The following PCBP3 variants were observed in gnomAD, a reference collection of about 807,000 sequenced individuals.
The protein encoded by PCBP3 is poly(rC) binding protein 3.
Under a neutral mutation model 52.7 loss-of-function variants are expected in PCBP3, and 25 were observed. The ratio of observed to expected loss-of-function variants is 0.47; its 90% CI spans 0.35 to 0.66. The LOEUF is 0.66. PCBP3 is among the 30% of genes least tolerant of loss of function. PCBP3 has a pLI of 0.01. For synonymous variants in PCBP3, 162 were observed against 183.0 expected (o/e 0.89, Z 0.93); for missense variants, 391 against 490.3 (o/e 0.80, Z 1.91).
At chr21:45,683,880 C>T (rs924127609) in intron 2 of PCBP3, among the ~76,000 whole-genome samples, 12 of 151,306 alleles carry the variant, frequency 7.9e-5, no homozygotes, top group African/African-American at 2.4e-4. Flanking sequence ...GAGCCGAGAT[C>T]GTGCCACTGC....
intron 4 of PCBP3, among the ~76,000 whole-genome samples, chr21:45,776,558 A>G (rs752822473): frequency 8.6e-5 from 13 of 150,454 alleles, no homozygotes; most frequent in Non-Finnish European, 1.3e-4. Context: ...GGTGTTGGGT[A>G]TATATATATA....
At chr21:45,846,430 T>G (rs956163873) in intron 4 of PCBP3, among the ~76,000 whole-genome samples, 6 of 120,890 alleles carry the variant, frequency 5.0e-5, no homozygotes, top group African/African-American at 2.0e-4. Context: ...TTTTTGTTTG[T>G]TTTTTTTTTT....
Position 45,909,307 on chromosome 21 carries a change from C to T in PCBP3, c.340-48C>T, listed in dbSNP as rs202124379. 16 of 1,585,330 alleles carry T rather than the reference C, an allele frequency of 1.0e-5. No homozygotes were observed. In the South Asian group the frequency reaches 1.6e-4, roughly 16 times the overall value. ...CACACCCCCTGCCCTCCTGCTTTCT[C>T]ACTGCACGACGCCTGAAGTGCTGCC... On this transcript the variant is annotated intron_variant, in intron 9 of 17. Transcript: ENST00000681687.
At chr21:45,786,823 A>G (rs1248267072) in intron 4 of PCBP3, among the ~76,000 whole-genome samples, 1 of 152,192 alleles carries the variant, frequency 6.6e-6, no homozygotes. Flanking sequence ...GGAACACAGA[A>G]TAATAGTCAT....
At chr21:45,652,708 G>T (rs1174072522) in intron 1 of PCBP3, among the ~76,000 whole-genome samples, 1 of 152,126 alleles carries the variant, frequency 6.6e-6, no homozygotes, top group Non-Finnish European at 1.5e-5. Context: ...CTCCCACAGT[G>T]CTGGGATTAT....
At chr21:45,672,279 G>C (rs2081220087) in intron 2 of PCBP3, among the ~76,000 whole-genome samples, 1 of 152,088 alleles carries the variant, frequency 6.6e-6, no homozygotes, top group South Asian at 2.1e-4. Flanking sequence ...AGACTTCTCA[G>C]CTTCTATAAC....
chr21:45,896,081 C>T, intron 5 of PCBP3, 127 bp from the exon 6 acceptor site: 1 of 834,974 alleles, frequency 1.2e-6, no homozygotes, highest in African/African-American at 1.7e-5. Flanking sequence ...CTGGTCAGCA[C>T]ATGGTGGGTG....
At chr21:45,739,629 C>T (rs1300569646) in intron 3 of PCBP3, among the ~76,000 whole-genome samples, 2 of 99,082 alleles carry the variant, frequency 2.0e-5, no homozygotes, top group African/African-American at 8.8e-5. Context: ...TGTCCATTGT[C>T]CTCTGGGTGG....
chr21:45,646,103 C>CTCTCTCTCTCTT (rs2079275846), intron 1 of PCBP3, among the ~76,000 whole-genome samples: 2 of 77,008 alleles, frequency 2.6e-5, no homozygotes, highest in Non-Finnish European at 3.0e-5. Flanking sequence ...CTCTCTCTCT[C>CTCTCTCTCTCTT]TCTCTGTGTG....
At chr21:45,825,298 C>T (rs1026286833) in intron 4 of PCBP3, among the ~76,000 whole-genome samples, 5 of 152,204 alleles carry the variant, frequency 3.3e-5, no homozygotes, top group African/African-American at 4.8e-5. Flanking sequence ...GTGGCTGCCT[C>T]GGCCACTGCT....
intron 2 of PCBP3, among the ~76,000 whole-genome samples, chr21:45,712,341 G>A (rs2083894515): frequency 6.6e-6 from 1 of 152,192 alleles, no homozygotes; most frequent in Admixed American, 6.5e-5. Context: ...TTCCAAAGTG[G>A]CTGTACTATT....
Position 45,810,213 on chromosome 21 carries a change from C to T in PCBP3, c.-125-39748C>T, listed in dbSNP as rs113361918. Reference sequence around the variant, plus strand: ...GTGTAAACCCTACTTGGTCGTGATTCGATTCTGTGTGTGTGTGTGTGTGTG... The same window carrying T: ...GTGTAAACCCTACTTGGTCGTGATTTGATTCTGTGTGTGTGTGTGTGTGTG... On this transcript the variant is annotated intron_variant, in intron 4 of 17. Coordinates refer to ENST00000681687, the MANE Select transcript of PCBP3 (RefSeq NM_001384156.1). Among the ~76,000 whole-genome samples, 894 of 101,738 alleles carry T rather than the reference C, an allele frequency of 8.8e-3. 25 individuals are homozygous for T. In the East Asian group the frequency reaches 0.13, roughly 15 times the overall value. 66.7% of individuals were successfully genotyped at this position (101,738 alleles called of 152,430 possible). A position where few individuals can be genotyped will look rare whatever the true frequency, so the allele number is the denominator to read the frequency against.
chr21:45,824,180 C>G (rs1010833012), intron 4 of PCBP3, among the ~76,000 whole-genome samples: 1 of 152,216 alleles, frequency 6.6e-6, no homozygotes, highest in Admixed American at 6.5e-5. Context: ...GCCCCTCACT[C>G]TGCCTCCTGG....
At chr21:45,723,393 A>G (rs542928574) in intron 2 of PCBP3, among the ~76,000 whole-genome samples, 1 of 152,394 alleles carries the variant, frequency 6.6e-6, no homozygotes, top group African/African-American at 2.4e-5. Flanking sequence ...GGCCAGACAG[A>G]CTTCCTATGT....
At chr21:45,673,339 T>C (rs2081284621) in intron 2 of PCBP3, among the ~76,000 whole-genome samples, 1 of 152,220 alleles carries the variant, frequency 6.6e-6, no homozygotes, top group Admixed American at 6.5e-5. Context: ...TGGCAGTTCA[T>C]CTTTTTTGTT....
intron 5 of PCBP3, among the ~76,000 whole-genome samples, chr21:45,867,889 C>T (rs563308384): frequency 7.8e-4 from 119 of 152,384 alleles, no homozygotes; most frequent in Admixed American, 2.1e-3. Context: ...AGAGGAAGAG[C>T]GATAGCTGGA....
chr21:45,694,533 T>G (rs1309202665), intron 2 of PCBP3, among the ~76,000 whole-genome samples: 1 of 152,182 alleles, frequency 6.6e-6, no homozygotes, highest in Non-Finnish European at 1.5e-5. Flanking sequence ...ACACCCTGAA[T>G]AGGCATGCAT....
At chr21:45,807,072 A>G (rs1275265940) in intron 4 of PCBP3, among the ~76,000 whole-genome samples, 1 of 152,238 alleles carries the variant, frequency 6.6e-6, no homozygotes, top group Non-Finnish European at 1.5e-5. Flanking sequence ...ACAAACCCAC[A>G]GCCAATATCA....
At chr21:45,711,349 A>G (rs1303620569) in intron 2 of PCBP3, among the ~76,000 whole-genome samples, 1 of 152,210 alleles carries the variant, frequency 6.6e-6, no homozygotes, top group Non-Finnish European at 1.5e-5. Flanking sequence ...AGATATTTCT[A>G]TATGTAATCA....
Sources: allele counts gnomAD v4.1 joint callset (sites outside exome capture counted in the v4.1 genomes callset), GRCh38; gene constraint gnomAD v4.1.1; transcripts MANE v1.5; gene names NCBI Gene and HGNC (gene_info 2026-07-23, HGNC 2026-07-21).